Variants in CCDC85C observed in about 807,000 individuals in gnomAD.
CCDC85C encodes the protein coiled-coil domain-containing protein 85C.
In CCDC85C, 18 loss-of-function variants were observed where a neutral mutation model predicts 38.3. The ratio of observed to expected loss-of-function variants is 0.47; its 90% CI spans 0.33 to 0.70. The LOEUF (loss-of-function observed/expected upper bound fraction) is 0.70, where lower values mean the gene tolerates loss of function less well. CCDC85C is among the 30% of genes least tolerant of loss of function. The pLI is 0.03. For missense variants in CCDC85C, 566 were observed against 621.2 expected (o/e 0.91, Z 0.94); for synonymous variants, 264 against 293.8 (o/e 0.90, Z 1.04).
At chr14:99,546,065 G>T (rs970274159) in intron 1 of CCDC85C, among the ~76,000 whole-genome samples, 2 of 151,802 alleles carry the variant, frequency 1.3e-5, no homozygotes, top group East Asian at 1.9e-4. Flanking sequence ...CATGGGGGGG[G>T]GGAATAAACA....
At chr14:99,577,460 C>T (rs768796742) in intron 1 of CCDC85C, among the ~76,000 whole-genome samples, 1 of 150,152 alleles carries the variant, frequency 6.7e-6, no homozygotes, top group Non-Finnish European at 1.5e-5. Flanking sequence ...CTGCCGCCCA[C>T]TTGCTGGGCA....
intron 1 of CCDC85C, among the ~76,000 whole-genome samples, chr14:99,583,557 A>G (rs2054996242): frequency 6.6e-6 from 1 of 151,660 alleles, no homozygotes; most frequent in South Asian, 2.1e-4. Flanking sequence ...CTGTTATCCC[A>G]GCACTTTGGG....
intron 1 of CCDC85C, among the ~76,000 whole-genome samples, chr14:99,564,178 T>C (rs2139953099): frequency 6.6e-6 from 1 of 152,330 alleles, no homozygotes; most frequent in South Asian, 2.1e-4. Flanking sequence ...CAGAAGTTTC[T>C]TGTTTTGTTG....
At chr14:99,570,527 C>T (rs916494719) in intron 1 of CCDC85C, among the ~76,000 whole-genome samples, 39 of 152,082 alleles carry the variant, frequency 2.6e-4, no homozygotes, top group African/African-American at 9.2e-4. Context: ...GGGCTCGGGG[C>T]TGGGCCTCGG....
At chr14:99,577,495 A>T (rs1898505714) in intron 1 of CCDC85C, among the ~76,000 whole-genome samples, 1 of 151,662 alleles carries the variant, frequency 6.6e-6, no homozygotes, top group Non-Finnish European at 1.5e-5. Context: ...TCTGAGCCTC[A>T]GTCTCCTCAG....
At chr14:99,579,959 G>C (rs1220979937) in intron 1 of CCDC85C, 2 of 437,844 alleles carry the variant, frequency 4.6e-6, no homozygotes, top group Non-Finnish European at 9.2e-6. Flanking sequence ...GTCTTGGCCA[G>C]GGTAGGGCAT....
chr14:99,510,052 GC>G lies in CCDC85C; in HGVS notation c.*5193del. 1 of 1,176,858 alleles carries G rather than the reference GC, an allele frequency of 8.5e-7. No individual in the cohort carries two copies. The highest frequency in any genetic ancestry group is 1.2e-6 in the Non-Finnish European group (1 of 855,534). The allele number at this position is 1,176,858 out of a possible 1,614,324, so 72.9% of individuals were successfully genotyped here. A position where few individuals can be genotyped will look rare whatever the true frequency, so the allele number is the denominator to read the frequency against. On this transcript the variant is annotated 3_prime_UTR_variant, in exon 6 of 6. Transcript: ENST00000380243. ...CGTTGGGCCACAGAGGAGGCGGGCA[GC>G]TGCTCCCTGCTCCTCTGTAAAGATG... is the stretch of plus-strand genomic sequence containing the variant.
At position 99,522,121 on chromosome 14, in the gene CCDC85C, G is replaced by C. The variant is rs569543262; in HGVS notation, c.975+12C>G. On this transcript the variant is annotated intron_variant, in intron 3 of 5. Coordinates refer to ENST00000380243, the MANE Select transcript of CCDC85C (RefSeq NM_001144995.2). ...TCCAGAACATGTGGGCTTTTTTGGG[G>C]TGCACACTCACGTTCTGCAGGGAGT... 6.1e-4 allele frequency: 934 copies of C among 1,542,472 alleles called. 9 individuals carry two copies. The highest frequency in any genetic ancestry group is 3.2e-5 in the Non-Finnish European group (37 of 1,139,278).
At position 99,510,009 on chromosome 14, in the gene CCDC85C, A is replaced by C; in HGVS notation, c.*5237T>G. On this transcript the variant is annotated 3_prime_UTR_variant, in exon 6 of 6. Coordinates refer to ENST00000380243, the MANE Select transcript of CCDC85C (RefSeq NM_001144995.2). ...GGGAGACATCTGGTGGCATCAGGAC[A>C]TGGGGCATGGGCCCATGCGTTGGGC... 1 of 721,000 alleles carries C rather than the reference A, an allele frequency of 1.4e-6. No individual in the cohort carries two copies. Among genetic ancestry groups the C allele is most frequent in the Non-Finnish European group, 2.2e-6 (1 of 445,694 alleles). 44.7% of individuals were successfully genotyped at this position (721,000 alleles called of 1,614,324 possible).
chr14:99,548,137 G>A lies in CCDC85C; in HGVS notation c.794-12049C>T, dbSNP rs2139933851. Among the ~76,000 whole-genome samples, 1 of 152,190 alleles carries A rather than the reference G, an allele frequency of 6.6e-6. No individual in the cohort carries two copies. Among genetic ancestry groups the A allele is most frequent in the Admixed American group, 6.5e-5 (1 of 15,292 alleles). On this transcript the variant is annotated intron_variant, in intron 1 of 5. Transcript: ENST00000380243. This position sits in a 1 kb window ranked among gnomAD's most constrained non-coding sequence, Gnocchi z 4.9. ...GAGAGTGGCTAGGTGAGCAGAGTTG[G>A]ACAACAAGCTGCCATCTGGGAGGAG...
At position 99,603,459 on chromosome 14, in the gene CCDC85C, G is replaced by GCCA; in HGVS notation, c.498_500dup (p.Gly173dup). The GCCA allele has an allele frequency of 7.8e-7, 1 of 1,280,572 alleles. No individual in the cohort carries two copies. Among genetic ancestry groups the GCCA allele is most frequent in the East Asian group, 3.3e-5 (1 of 30,666 alleles). The allele number at this position is 1,280,572 out of a possible 1,614,324, so 79.3% of individuals were successfully genotyped here. Reference sequence around the variant, plus strand: ...AGCCGGCGCCGCCCCCGCCGCCGCCGCCACCGCTTGCGGCCCCCGTCGCCG... The same window carrying GCCA: ...AGCCGGCGCCGCCCCCGCCGCCGCCGCCACCACCGCTTGCGGCCCCCGTCGCCG... On this transcript the variant is annotated inframe_insertion, in exon 1 of 6. Coordinates refer to ENST00000380243, the MANE Select transcript of CCDC85C (RefSeq NM_001144995.2). This position sits in a 1 kb window ranked among gnomAD's most constrained non-coding sequence, Gnocchi z 7.5.
chr14:99,574,430 C>T (rs146989570), intron 1 of CCDC85C, among the ~76,000 whole-genome samples: 101 of 152,220 alleles, frequency 6.6e-4, no homozygotes, highest in African/African-American at 2.4e-3. Flanking sequence ...ACACCCCATA[C>T]GCTCCCCTCA....
chr14:99,579,926 T>C (rs919289629), intron 1 of CCDC85C: 6 of 344,402 alleles, frequency 1.7e-5, no homozygotes, highest in Admixed American at 3.3e-5. Flanking sequence ...CACCCCCGTC[T>C]GGCTCAGTCC....
rs1331735693 is a variant in CCDC85C at position 99,588,595 on chromosome 14, C to T, written c.793+14572G>A. On this transcript the variant is annotated intron_variant, in intron 1 of 5. Coordinates refer to ENST00000380243, the MANE Select transcript of CCDC85C (RefSeq NM_001144995.2). This position sits in a 1 kb window ranked among gnomAD's most constrained non-coding sequence, Gnocchi z 5.0. ...CGCTGGCCCGGGAGGCCTGAGGAAG[C>T]GAGCTGGGGAGAGGGAAGCCTGGCA... Among the ~76,000 whole-genome samples, 2 of 152,028 alleles carry T rather than the reference C, an allele frequency of 1.3e-5. No homozygotes were observed. The highest frequency in any genetic ancestry group is 2.9e-5 in the Non-Finnish European group (2 of 68,010).
rs1566750924 is a variant in CCDC85C at position 99,501,250 on chromosome 14, G to A, written c.*13996C>T. On this transcript the variant is annotated 3_prime_UTR_variant, in exon 6 of 6. Coordinates refer to ENST00000380243, the MANE Select transcript of CCDC85C (RefSeq NM_001144995.2). The stretch of plus-strand genomic sequence containing the variant: ...GTTTCCCACGCAAAAGCTCTTTGCT[G>A]TGTATTTGAGTGGTGCTGAACACGT... 2 of 746,288 alleles carry A rather than the reference G, an allele frequency of 2.7e-6. No homozygotes were observed. Among genetic ancestry groups the A allele is most frequent in the Non-Finnish European group, 2.4e-6 (1 of 419,580 alleles). 46.2% of individuals were successfully genotyped at this position (746,288 alleles called of 1,614,324 possible).
chr14:99,551,548 GGTGAGTGTGC>G (rs1897908137), intron 1 of CCDC85C, among the ~76,000 whole-genome samples: 1 of 151,316 alleles, frequency 6.6e-6, no homozygotes. Flanking sequence ...TGGGTGGGCA[GGTGAGTGTGC>G]AGGTGGGTGT....
intron 1 of CCDC85C, among the ~76,000 whole-genome samples, chr14:99,566,624 C>T (rs1898220447): frequency 6.6e-6 from 1 of 152,180 alleles, no homozygotes; most frequent in Admixed American, 6.5e-5. Flanking sequence ...CCATTTACAT[C>T]AGGACAGCCT....
rs1896934776 is a variant in CCDC85C at position 99,504,845 on chromosome 14, T to G, written c.*10401A>C. On this transcript the variant is annotated 3_prime_UTR_variant, in exon 6 of 6. Transcript: ENST00000380243. ...CCATGCCACATGAAATGCAATTGAG[T>G]TGACGTGCAGGTCTGTCAGAGGCAG... is the stretch of plus-strand genomic sequence containing the variant. The G allele has an allele frequency of 6.6e-6, 1 of 152,158 alleles. No homozygotes were observed. The allele number at this position is 152,158 out of a possible 1,614,324, so 9.4% of individuals were successfully genotyped here.
In CCDC85C at chr14:99,602,638, C is replaced by T. The variant is rs577272019; in HGVS notation, c.793+529G>A. Among the ~76,000 whole-genome samples, 13 of 152,340 alleles carry T rather than the reference C, an allele frequency of 8.5e-5. No individual in the cohort carries two copies. The South Asian group carries it at 2.7e-3, about 32-fold the overall frequency. On this transcript the variant is annotated intron_variant, in intron 1 of 5. Transcript: ENST00000380243. ...AGGCTCTGAGCCCCAGGCCTCTCCC[C>T]AACTGCCTCTGGGTCTCAAGCGGCT...
Sources: gnomAD v4.1 joint callset for allele counts (sites outside exome capture counted in the v4.1 genomes callset) on GRCh38, gnomAD v4.1.1 for gene constraint, Gnocchi (gnomAD v3.1) non-coding constraint, MANE v1.5 for transcripts, NCBI Gene and HGNC (gene_info 2026-07-23, HGNC 2026-07-21) for gene names.